FAM124B: variants seen among roughly 807,000 people sequenced by gnomAD.
FAM124B encodes family with sequence similarity 124 member B.
Under a neutral mutation model 19.7 loss-of-function variants are expected in FAM124B, and 18 were observed. That is an observed-to-expected ratio of 0.92 (90% CI 0.63 to 1.36). The LOEUF (loss-of-function observed/expected upper bound fraction) is 1.36, where lower values mean the gene tolerates loss of function less well. Ranked by LOEUF, FAM124B falls within the 40% of genes most tolerant of loss-of-function variation. The probability of loss-of-function intolerance (pLI) is 0.00; values close to 1 mark genes in which losing one functional copy is unlikely to be tolerated. For synonymous variants in FAM124B, 223 were observed against 225.2 expected (o/e 0.99, Z 0.09); for missense variants, 540 against 553.3 (o/e 0.98, Z 0.24).
intron 1 of FAM124B, 35 bp from the exon 2 acceptor site, chr2:224,380,243 AAT>A: frequency 2.0e-6 from 3 of 1,492,600 alleles, no homozygotes; most frequent in Non-Finnish European, 1.8e-6. Context: ...TATGAAACAT[AAT>A]TTCCATTAAC....
rs1411395604 is a variant in FAM124B, at chr2:224,401,282, C to A, written c.487G>T (p.Glu163Ter). 1.9e-6 allele frequency: 3 copies of A among 1,613,932 alleles called. No homozygotes were observed. The South Asian group carries it at 3.3e-5, about 18-fold the overall frequency. Reference protein sequence around the residue: ...IRLYEMILQREATLQKSNFCF... With the variant: ...IRLYEMILQR ...AAATTGCTCTTTTGCAAGGTCGCTT[C>A]TCTCTGCAGGATCATCTCGTAGAGT... Residue 163 changes from glutamate (E) to a stop codon, truncating the protein, a stop_gained, in exon 1 of 2, where the codon GAA becomes TAA. Coordinates refer to ENST00000409685, the MANE Select transcript of FAM124B (RefSeq NM_001122779.2). LOFTEE classifies it high-confidence loss of function.
chr2:224,386,369 A>G (rs1158887351), intron 1 of FAM124B, among the ~76,000 whole-genome samples: 3 of 152,150 alleles, frequency 2.0e-5, no homozygotes. Context: ...AAGCCTTCTC[A>G]ATGTCACTAA....
At chr2:224,392,567 CA>C (rs1457915255) in intron 1 of FAM124B, among the ~76,000 whole-genome samples, 1 of 152,036 alleles carries the variant, frequency 6.6e-6, no homozygotes, top group Non-Finnish European at 1.5e-5. Context: ...CCAGCCTGGG[CA>C]ACATGGCAAA....
At chr2:224,393,209 T>C (rs1689916882) in intron 1 of FAM124B, among the ~76,000 whole-genome samples, 1 of 152,164 alleles carries the variant, frequency 6.6e-6, no homozygotes, top group Non-Finnish European at 1.5e-5. Flanking sequence ...CAGGTGCTGA[T>C]TGCAGGAGAT....
chr2:224,381,447 C>G (rs1026116830), intron 1 of FAM124B, among the ~76,000 whole-genome samples: 6 of 151,002 alleles, frequency 4.0e-5, no homozygotes, highest in African/African-American at 1.5e-4. Context: ...CAGAGAGAGA[C>G]TATATGATGC....
At chr2:224,395,462 C>G (rs1689954542) in intron 1 of FAM124B, among the ~76,000 whole-genome samples, 1 of 152,114 alleles carries the variant, frequency 6.6e-6, no homozygotes, top group Admixed American at 6.6e-5. Flanking sequence ...TACCTTCCCC[C>G]AGAACACACT....
chr2:224,381,664 C>A (rs1409850934), intron 1 of FAM124B, among the ~76,000 whole-genome samples: 1 of 152,026 alleles, frequency 6.6e-6, no homozygotes. Context: ...AAGAATGAAC[C>A]CTAATGTACC....
At chr2:224,381,522 G>A (rs1689716632) in intron 1 of FAM124B, among the ~76,000 whole-genome samples, 1 of 152,092 alleles carries the variant, frequency 6.6e-6, no homozygotes, top group South Asian at 2.1e-4. Context: ...TGGTTGCCAG[G>A]GGTTGGGGGG....
chr2:224,381,688 G>T (rs1467735396), intron 1 of FAM124B, among the ~76,000 whole-genome samples: 2 of 152,086 alleles, frequency 1.3e-5, no homozygotes, highest in African/African-American at 4.8e-5. Flanking sequence ...TGGGCTTTGG[G>T]TGATGGTGAT....
intron 1 of FAM124B, among the ~76,000 whole-genome samples, chr2:224,397,729 A>T (rs1689996143): frequency 6.6e-6 from 1 of 152,234 alleles, no homozygotes; most frequent in Non-Finnish European, 1.5e-5. Context: ...TTTAGCAAAG[A>T]AACTGGCGGC....
chr2:224,394,596 A>T (rs16865937), intron 1 of FAM124B, among the ~76,000 whole-genome samples: 1,969 of 152,258 alleles, frequency 0.013, 84 homozygotes, highest in East Asian at 0.1. Context: ...GTCCTAAATT[A>T]TATATTATAG....
chr2:224,398,523 C>T (rs1319961827), intron 1 of FAM124B, among the ~76,000 whole-genome samples: 1 of 152,156 alleles, frequency 6.6e-6, no homozygotes, highest in Non-Finnish European at 1.5e-5. Flanking sequence ...TTATATGACA[C>T]CAGAAGCAGA....
chr2:224,395,827 C>T (rs1574576224), intron 1 of FAM124B, among the ~76,000 whole-genome samples: 1 of 152,288 alleles, frequency 6.6e-6, no homozygotes, highest in East Asian at 1.9e-4. Flanking sequence ...TCACTGGGCG[C>T]GCTGGCAGAG....
At chr2:224,387,454 GA>G (rs910431510) in intron 1 of FAM124B, among the ~76,000 whole-genome samples, 57 of 151,836 alleles carry the variant, frequency 3.8e-4, no homozygotes, top group Admixed American at 1.2e-3. Flanking sequence ...CAACACTGGG[GA>G]AAAAAAATGA....
chr2:224,387,028 A>T (rs1234164982), intron 1 of FAM124B, among the ~76,000 whole-genome samples: 2 of 152,200 alleles, frequency 1.3e-5, no homozygotes, highest in South Asian at 2.1e-4. Context: ...GGCAAAAGTG[A>T]GTGTAAGGTT....
chr2:224,394,729 C>T (rs1689942406), intron 1 of FAM124B, among the ~76,000 whole-genome samples: 1 of 152,186 alleles, frequency 6.6e-6, no homozygotes, highest in Non-Finnish European at 1.5e-5. Context: ...TTGAACTCTC[C>T]AGCCCTATAC....
intron 1 of FAM124B, among the ~76,000 whole-genome samples, chr2:224,387,336 C>T (rs1689814283): frequency 1.3e-5 from 2 of 152,140 alleles, no homozygotes; most frequent in Non-Finnish European, 2.9e-5. Context: ...TGAAAATATA[C>T]ATCATTGAAA....
chr2:224,386,430 A>G (rs960512048), intron 1 of FAM124B, among the ~76,000 whole-genome samples: 8 of 152,148 alleles, frequency 5.3e-5, no homozygotes, highest in Non-Finnish European at 1.2e-4. Flanking sequence ...TAGCAGTAGG[A>G]TTTTAGACCA....
intron 1 of FAM124B, among the ~76,000 whole-genome samples, chr2:224,392,726 G>C (rs911394284): frequency 6.6e-6 from 1 of 151,698 alleles, no homozygotes; most frequent in Non-Finnish European, 1.5e-5. Flanking sequence ...CTGCACTTCA[G>C]TCTGGGCAAC....
Sources: gnomAD v4.1 joint callset for allele counts (sites outside exome capture counted in the v4.1 genomes callset) on GRCh38, gnomAD v4.1.1 for gene constraint, MANE v1.5 for transcripts, NCBI Gene and HGNC (gene_info 2026-07-23, HGNC 2026-07-21) for gene names.